TMEM156: variants seen among roughly 807,000 people sequenced by gnomAD.
The protein encoded by TMEM156 is transmembrane protein 156.
Under a neutral mutation model 30.5 loss-of-function variants are expected in TMEM156, and 28 were observed. The ratio of observed to expected loss-of-function variants is 0.92; its 90% CI spans 0.68 to 1.26. The LOEUF is 1.26. Among genes scored for constraint, TMEM156 ranks in the 50% most tolerant of loss-of-function variants. The pLI is 0.00. For synonymous variants in TMEM156, 137 were observed against 119.9 expected (o/e 1.14, Z -0.93); for missense variants, 351 against 340.6 (o/e 1.03, Z -0.24).
intron 5 of TMEM156, among the ~76,000 whole-genome samples, chr4:38,981,780 C>T (rs1276238347): frequency 6.6e-6 from 1 of 152,172 alleles, no homozygotes; most frequent in African/African-American, 2.4e-5. Flanking sequence ...ATTAGTTTCC[C>T]TTCTCCTATG....
intron 1 of TMEM156, 86 bp downstream of exon 1, chr4:39,032,140 A>C: frequency 1.2e-6 from 1 of 835,848 alleles, no homozygotes; most frequent in Non-Finnish European, 1.9e-6. Context: ...GCATGTGTCC[A>C]AAAAGAGGAT....
chr4:38,987,227 A>C (rs956572013), intron 4 of TMEM156, among the ~76,000 whole-genome samples: 6 of 152,338 alleles, frequency 3.9e-5, no homozygotes, highest in African/African-American at 1.2e-4. Flanking sequence ...TTCAAAACTA[A>C]ATACCCTACA....
At chr4:39,009,071 C>T (rs1713935186) in intron 1 of TMEM156, among the ~76,000 whole-genome samples, 1 of 151,932 alleles carries the variant, frequency 6.6e-6, no homozygotes, top group South Asian at 2.1e-4. Context: ...ACAAAGGTAA[C>T]ATTACAACTG....
At chr4:39,006,161 G>T (rs983892511) in intron 1 of TMEM156, among the ~76,000 whole-genome samples, 3 of 152,186 alleles carry the variant, frequency 2.0e-5, no homozygotes. Flanking sequence ...CTCCAAAAGT[G>T]CTGGGATTAC....
At chr4:38,971,906 C>T (rs1473257607) in intron 5 of TMEM156, among the ~76,000 whole-genome samples, 1 of 152,056 alleles carries the variant, frequency 6.6e-6, no homozygotes, top group Non-Finnish European at 1.5e-5. Context: ...TCTCCTGCCT[C>T]AGCCTCCCGA....
At chr4:39,019,372 A>AT (rs1350118506) in intron 1 of TMEM156, among the ~76,000 whole-genome samples, 1 of 152,054 alleles carries the variant, frequency 6.6e-6, no homozygotes, top group African/African-American at 2.4e-5. Context: ...AATTTATTAT[A>AT]TTTTTCACAA....
chr4:39,017,266 C>T (rs1338607809), intron 1 of TMEM156, among the ~76,000 whole-genome samples: 2 of 151,008 alleles, frequency 1.3e-5, no homozygotes, highest in African/African-American at 4.9e-5. Context: ...GCTCCGCCTC[C>T]CAGGTTCACA....
chr4:38,977,746 T>C (rs1389716643), intron 5 of TMEM156, among the ~76,000 whole-genome samples: 2 of 152,152 alleles, frequency 1.3e-5, no homozygotes, highest in Non-Finnish European at 2.9e-5. Flanking sequence ...CAAACAGCCT[T>C]AAAAAAATTT....
At chr4:39,014,463 C>A (rs1051199293) in intron 1 of TMEM156, among the ~76,000 whole-genome samples, 3 of 151,984 alleles carry the variant, frequency 2.0e-5, no homozygotes, top group Non-Finnish European at 4.4e-5. Flanking sequence ...CATCCCTATG[C>A]AAAAATCAGC....
At chr4:38,978,212 A>G (rs1040392522) in intron 5 of TMEM156, among the ~76,000 whole-genome samples, 28 of 152,194 alleles carry the variant, frequency 1.8e-4, no homozygotes, top group Non-Finnish European at 3.4e-4. Context: ...CTCCAAAACT[A>G]CTTGTTCAGC....
chr4:39,002,583 A>C (rs1158796677), intron 1 of TMEM156, among the ~76,000 whole-genome samples: 2 of 143,966 alleles, frequency 1.4e-5, no homozygotes, highest in African/African-American at 5.0e-5. Context: ...ACACATGCAC[A>C]CGTATGTTTA....
intron 6 of TMEM156, 35 bp downstream of exon 6, chr4:38,970,997 A>G: frequency 1.5e-6 from 2 of 1,340,200 alleles, no homozygotes; most frequent in Non-Finnish European, 2.1e-6. Context: ...CTGTGTTTAT[A>G]ATGAAGAAGT....
chr4:38,996,186 T>G (rs1309136304), intron 2 of TMEM156, among the ~76,000 whole-genome samples: 1 of 151,688 alleles, frequency 6.6e-6, no homozygotes, highest in Non-Finnish European at 1.5e-5. Context: ...GTGCTCAATA[T>G]TACTAATCAT....
At chr4:39,023,044 G>A (rs1297498454) in intron 1 of TMEM156, among the ~76,000 whole-genome samples, 1 of 152,176 alleles carries the variant, frequency 6.6e-6, no homozygotes, top group Non-Finnish European at 1.5e-5. Flanking sequence ...TTTGAAGGTG[G>A]GGTCTGTGGG....
At chr4:38,999,605 CAAG>C (rs1713196829) in intron 1 of TMEM156, among the ~76,000 whole-genome samples, 1 of 152,156 alleles carries the variant, frequency 6.6e-6, no homozygotes, top group African/African-American at 2.4e-5. Flanking sequence ...TAATTTAAAA[CAAG>C]AAAAATTCAT....
chr4:39,007,898 A>G (rs1026471467), intron 1 of TMEM156, among the ~76,000 whole-genome samples: 2 of 152,018 alleles, frequency 1.3e-5, no homozygotes, highest in Non-Finnish European at 2.9e-5. Flanking sequence ...TTTTGTTGCT[A>G]TTGTCAATAG....
chr4:38,996,485 T>G (rs1327291949), intron 2 of TMEM156, among the ~76,000 whole-genome samples: 1 of 151,646 alleles, frequency 6.6e-6, no homozygotes, highest in East Asian at 1.9e-4. Context: ...GGCAGGAGAA[T>G]CGCTTGAAAC....
intron 1 of TMEM156, among the ~76,000 whole-genome samples, chr4:39,012,711 G>C (rs1392857162): frequency 1.3e-5 from 2 of 151,860 alleles, no homozygotes; most frequent in Admixed American, 6.6e-5. Flanking sequence ...AGGCTGAGGC[G>C]GGCAGATCAC....
At chr4:38,972,339 C>T (rs1469028589) in intron 5 of TMEM156, among the ~76,000 whole-genome samples, 3 of 148,840 alleles carry the variant, frequency 2.0e-5, no homozygotes, top group African/African-American at 7.5e-5. Context: ...CTGCAACCTC[C>T]GCCTCCTGGG....
Sources: gnomAD v4.1 joint callset for allele counts (sites outside exome capture counted in the v4.1 genomes callset) on GRCh38, gnomAD v4.1.1 for gene constraint, MANE v1.5 for transcripts, NCBI Gene and HGNC (gene_info 2026-07-23, HGNC 2026-07-21) for gene names.